Variants in CORIN observed in about 807,000 individuals in gnomAD.
CORIN encodes atrial natriuretic peptide-converting enzyme.
A neutral mutation model predicts 125.3 loss-of-function variants in CORIN; 117 were observed. The observed-to-expected ratio is 0.93, with a 90% CI of 0.80 to 1.09. The LOEUF is 1.09. CORIN is among the 50% of genes least tolerant of loss of function. CORIN has a pLI of 0.00. For synonymous variants in CORIN, 450 were observed against 466.4 expected, an observed-to-expected ratio of 0.96 and a Z score of 0.45; for missense variants, 1,253 against 1,306.7, an observed-to-expected ratio of 0.96 and a Z score of 0.63.
At chr4:47,758,182 G>A (rs1276327879) in intron 4 of CORIN, among the ~76,000 whole-genome samples, 2 of 151,704 alleles carry the variant, frequency 1.3e-5, no homozygotes, top group African/African-American at 4.8e-5. Flanking sequence ...CAAAGTGCTG[G>A]GATTACAGGT....
intron 19 of CORIN, among the ~76,000 whole-genome samples, chr4:47,604,643 G>T (rs990874688): frequency 6.6e-6 from 1 of 152,154 alleles, no homozygotes; most frequent in Non-Finnish European, 1.5e-5. Context: ...GCATCAGCAA[G>T]TCTTTGCCAA....
intron 20 of CORIN, among the ~76,000 whole-genome samples, chr4:47,602,802 G>A (rs757223756): frequency 3.8e-4 from 58 of 152,096 alleles, no homozygotes; most frequent in Non-Finnish European, 6.5e-4. Flanking sequence ...GTGACACATC[G>A]CTAAGTATTT....
At chr4:47,771,940 G>C (rs1368715119) in intron 3 of CORIN, among the ~76,000 whole-genome samples, 1 of 152,144 alleles carries the variant, frequency 6.6e-6, no homozygotes, top group Non-Finnish European at 1.5e-5. Context: ...GTAAAAGCTA[G>C]CTATTCTTGT....
chr4:47,696,473 A>AG (rs1179024975), intron 5 of CORIN, among the ~76,000 whole-genome samples: 19 of 152,170 alleles, frequency 1.2e-4, no homozygotes, highest in African/African-American at 4.6e-4. Flanking sequence ...ACAAAAAAAA[A>AG]TCCCCAAATA....
rs1264585026 is a variant in CORIN at position 47,787,235 on chromosome 4, C to T, written c.209-310G>A. ...GGTGCTTCAAAAATGTAGGGTAATT[C>T]TACCTCACCTGAGACTCACCACACA... is the stretch of plus-strand genomic sequence containing the variant. On this transcript the variant is annotated intron_variant, in intron 2 of 21. Transcript: ENST00000273857. 2.0e-5 allele frequency among the ~76,000 whole-genome samples: 3 copies of T among 152,164 alleles called. No individual in the cohort carries two copies. The East Asian group carries it at 5.8e-4, about 29-fold the overall frequency.
intron 1 of CORIN, among the ~76,000 whole-genome samples, chr4:47,832,278 C>T (rs1192194198): frequency 6.6e-6 from 1 of 152,120 alleles, no homozygotes; most frequent in Admixed American, 6.5e-5. Context: ...ATTTATACAT[C>T]AATCTGGCCA....
At chr4:47,623,521 G>T in intron 19 of CORIN, 50 bp downstream of exon 19, 1 of 1,586,200 alleles carries the variant, frequency 6.3e-7, no homozygotes, top group South Asian at 1.1e-5. Flanking sequence ...ATTCCCGAGT[G>T]ACAAAGTGAT....
chr4:47,657,549 AAAAAG>A (rs1390212234), intron 12 of CORIN, among the ~76,000 whole-genome samples: 1 of 151,668 alleles, frequency 6.6e-6, no homozygotes, highest in Non-Finnish European at 1.5e-5. Flanking sequence ...AAAAAAAAAA[AAAAAG>A]AAAAAGAAAT....
intron 5 of CORIN, among the ~76,000 whole-genome samples, chr4:47,736,724 T>C (rs1728153178): frequency 6.6e-6 from 1 of 152,220 alleles, no homozygotes; most frequent in Admixed American, 6.5e-5. Flanking sequence ...GAACATGCCC[T>C]AAGAGTCTAC....
chr4:47,740,131 A>T (rs562747386), intron 5 of CORIN, among the ~76,000 whole-genome samples: 119 of 152,108 alleles, frequency 7.8e-4, no homozygotes, highest in Non-Finnish European at 1.5e-3. Context: ...TGTCTCATAG[A>T]TAAAAATATG....
At chr4:47,616,802 T>C (rs1439953027) in intron 19 of CORIN, among the ~76,000 whole-genome samples, 1 of 152,024 alleles carries the variant, frequency 6.6e-6, no homozygotes, top group Admixed American at 6.6e-5. Flanking sequence ...GGGATATGAA[T>C]TCAAAAGAAT....
rs116081005 is a variant in CORIN, at chr4:47,702,794, G to A, written c.800-9711C>T. On this transcript the variant is annotated intron_variant, in intron 5 of 21. Transcript: ENST00000273857. ...AAAATATCTTTCAAAAACAGATTAC[G>A]GTTCTACCCTAATGTCTAAAAATTC... Among the ~76,000 whole-genome samples the A allele has an allele frequency of 9.2e-3, 1,392 of 152,112 alleles. 21 individuals are homozygous for A. The highest frequency in any genetic ancestry group is 0.032 in the African/African-American group (1,312 of 41,504).
chr4:47,596,861 A>C (rs896420713), intron 21 of CORIN, among the ~76,000 whole-genome samples: 2 of 152,200 alleles, frequency 1.3e-5, no homozygotes, highest in Non-Finnish European at 2.9e-5. Context: ...TAGCTCATTT[A>C]ATCTTTACAA....
intron 19 of CORIN, among the ~76,000 whole-genome samples, chr4:47,612,191 G>A (rs557197712): frequency 6.6e-6 from 1 of 152,080 alleles, no homozygotes; most frequent in African/African-American, 2.4e-5. Context: ...CTGGTGAATA[G>A]ACTTTAGAAT....
intron 5 of CORIN, among the ~76,000 whole-genome samples, chr4:47,736,685 CTA>C (rs1194185333): frequency 6.6e-6 from 1 of 150,578 alleles, no homozygotes; most frequent in Non-Finnish European, 1.5e-5. Context: ...CTCTATGTGT[CTA>C]TGTATTCTTA....
chr4:47,637,368 G>C (rs1451421917), intron 16 of CORIN, among the ~76,000 whole-genome samples: 1 of 152,222 alleles, frequency 6.6e-6, no homozygotes, highest in African/African-American at 2.4e-5. Flanking sequence ...GTAACGAGGA[G>C]CAGAATGTTA....
Position 47,800,174 on chromosome 4 carries a change from G to A in CORIN, c.208+6729C>T, listed in dbSNP as rs375711604. Among the ~76,000 whole-genome samples the A allele has an allele frequency of 2.0e-5, 3 of 151,836 alleles. No individual in the cohort carries two copies. In the East Asian group the frequency reaches 5.8e-4, roughly 29 times the overall value. ...ATGTCCTAAAACAGACTGCAGTGAT[G>A]GTTACATTATCTATGAATATACTAA... On this transcript the variant is annotated intron_variant, in intron 2 of 21. Coordinates refer to ENST00000273857, the MANE Select transcript of CORIN (RefSeq NM_006587.4).
intron 12 of CORIN, 21 bp downstream of exon 12, chr4:47,661,690 G>A (rs377288359): frequency 6.3e-7 from 1 of 1,593,556 alleles, no homozygotes; most frequent in South Asian, 1.1e-5. Context: ...ATACCCTGCT[G>A]TAATTAATTT....
At chr4:47,710,262 G>A (rs1024006914) in intron 5 of CORIN, among the ~76,000 whole-genome samples, 3 of 151,998 alleles carry the variant, frequency 2.0e-5, no homozygotes, top group Non-Finnish European at 4.4e-5. Context: ...TGAAGTTCAC[G>A]TGAAAATAAC....
Sources: gnomAD v4.1 joint callset for allele counts (sites outside exome capture counted in the v4.1 genomes callset) on GRCh38, gnomAD v4.1.1 for gene constraint, MANE v1.5 for transcripts, NCBI Gene and HGNC (gene_info 2026-07-23, HGNC 2026-07-21) for gene names.